Variants in ACTR3C observed in about 807,000 individuals in gnomAD.
The protein encoded by ACTR3C is actin-related protein 3C.
A neutral mutation model predicts 26.3 loss-of-function variants in ACTR3C; 18 were observed. That is an observed-to-expected ratio of 0.68 (90% CI 0.47 to 1.01). The LOEUF is 1.01. Among genes scored for constraint, ACTR3C ranks in the 50% least tolerant of loss-of-function variants. The pLI, the probability that ACTR3C is intolerant of heterozygous loss-of-function variation, is 0.00. For missense variants in ACTR3C, 184 were observed against 250.7 expected (o/e 0.73, Z 1.80); for synonymous variants, 55 against 94.5 (o/e 0.58, Z 2.42).
the ACTR3C span, among the ~76,000 whole-genome samples, chr7:149,927,814 A>G: frequency 1.3e-5 from 2 of 152,226 alleles, no homozygotes; most frequent in South Asian, 4.1e-4. Flanking sequence ...ACGATGTACA[A>G]TCAAGGTCCT....
chr7:150,161,894 C>G, the ACTR3C span, among the ~76,000 whole-genome samples: 1 of 151,952 alleles, frequency 6.6e-6, no homozygotes, highest in Non-Finnish European at 1.5e-5. Flanking sequence ...GAGGCTTACT[C>G]TCTGCGGGGC....
chr7:150,123,967 T>A, the ACTR3C span, among the ~76,000 whole-genome samples: 2 of 152,156 alleles, frequency 1.3e-5, no homozygotes, highest in Non-Finnish European at 2.9e-5. Flanking sequence ...GCAGCCCCGA[T>A]GTCCCTTCCA....
At chr7:150,253,656 T>C (rs576577712) in intron 6 of ACTR3C, among the ~76,000 whole-genome samples, 48 of 151,992 alleles carry the variant, frequency 3.2e-4, no homozygotes, top group African/African-American at 9.7e-4. Flanking sequence ...GAAGTACAAA[T>C]TAATAATGGG....
chr7:150,273,436 G>A (rs1834603929), intron 6 of ACTR3C, among the ~76,000 whole-genome samples: 1 of 151,636 alleles, frequency 6.6e-6, no homozygotes, highest in Admixed American at 6.6e-5. Context: ...TTCCACCACA[G>A]CTGGCTAATT....
the ACTR3C span, among the ~76,000 whole-genome samples, chr7:149,950,350 G>A: frequency 1.4e-5 from 2 of 146,572 alleles, no homozygotes; most frequent in Non-Finnish European, 2.9e-5. Context: ...GCTGCGAGAC[G>A]GGGGGAGGGA....
the ACTR3C span, among the ~76,000 whole-genome samples, chr7:150,084,653 G>A: frequency 6.6e-6 from 1 of 152,180 alleles, no homozygotes; most frequent in Non-Finnish European, 1.5e-5. Context: ...AGAGCATGGA[G>A]TGTGCAGGAA....
intron 4 of ACTR3C, among the ~76,000 whole-genome samples, chr7:150,289,216 G>A (rs967824311): frequency 6.6e-5 from 10 of 151,912 alleles, no homozygotes; most frequent in African/African-American, 1.9e-4. Flanking sequence ...ACGCTGGTAC[G>A]CTGTACCAGC....
downstream of ACTR3C, chr7:150,243,846 G>A (rs1215904529): frequency 1.3e-5 from 2 of 151,800 alleles, no homozygotes; most frequent in African/African-American, 2.4e-5. Flanking sequence ...TTGAATCCAC[G>A]AATTCAGAAC....
intron 1 of ACTR3C, among the ~76,000 whole-genome samples, chr7:150,319,365 G>T (rs1422659300): frequency 6.6e-6 from 1 of 152,134 alleles, no homozygotes; most frequent in African/African-American, 2.4e-5. Flanking sequence ...GCACCACCAT[G>T]CCTAGCTAAT....
the ACTR3C span, among the ~76,000 whole-genome samples, chr7:150,183,286 C>G: frequency 7.2e-6 from 1 of 138,790 alleles, no homozygotes; most frequent in Non-Finnish European, 1.5e-5. Flanking sequence ...TGGATTCTTT[C>G]CCTTTGTAAA....
At chr7:150,045,583 G>C in the ACTR3C span, among the ~76,000 whole-genome samples, 14 of 146,208 alleles carry the variant, frequency 9.6e-5, 1 homozygote, top group Middle Eastern at 0.018. Flanking sequence ...AAAAAAGCAT[G>C]TCAGGACTTA....
the ACTR3C span, among the ~76,000 whole-genome samples, chr7:150,064,017 C>T: frequency 1.3e-5 from 2 of 151,824 alleles, no homozygotes; most frequent in African/African-American, 2.4e-5. Flanking sequence ...GGGTAAAATG[C>T]GAAGTGGTCC....
At chr7:150,123,820 G>A in the ACTR3C span, among the ~76,000 whole-genome samples, 3 of 152,294 alleles carry the variant, frequency 2.0e-5, no homozygotes, top group Middle Eastern at 3.4e-3. Context: ...TGGGGCTACC[G>A]TGCACAGCAG....
chr7:150,300,576 C>A (rs1290608112), intron 1 of ACTR3C, among the ~76,000 whole-genome samples: 13 of 151,452 alleles, frequency 8.6e-5, no homozygotes, highest in Admixed American at 2.0e-4. Context: ...AACAAGCAAG[C>A]AAATCTACCT....
At chr7:150,123,711 AG>A in the ACTR3C span, among the ~76,000 whole-genome samples, 1 of 152,220 alleles carries the variant, frequency 6.6e-6, no homozygotes, top group Non-Finnish European at 1.5e-5. Context: ...GAGAAAAAAA[AG>A]AAAGAAAACA....
At chr7:150,169,346 G>A in the ACTR3C span, among the ~76,000 whole-genome samples, 32 of 143,858 alleles carry the variant, frequency 2.2e-4, no homozygotes, top group East Asian at 6.1e-4. Flanking sequence ...TCTCGCCACC[G>A]TGCTCCAGCC....
the ACTR3C span, among the ~76,000 whole-genome samples, chr7:150,100,254 T>C: frequency 6.6e-6 from 1 of 151,538 alleles, no homozygotes; most frequent in Non-Finnish European, 1.5e-5. Context: ...CAACCATATA[T>C]CAGGCACTTA....
the ACTR3C span, among the ~76,000 whole-genome samples, chr7:150,223,920 C>T: frequency 0.023 from 3,465 of 152,212 alleles, 138 homozygotes; most frequent in African/African-American, 0.078. Context: ...TAAGTTAACT[C>T]GTGTGTCTCT....
intron 6 of ACTR3C, among the ~76,000 whole-genome samples, chr7:150,276,081 C>A (rs1436106994): frequency 1.3e-5 from 2 of 152,294 alleles, no homozygotes; most frequent in Middle Eastern, 3.4e-3. Flanking sequence ...TGTCTTTATG[C>A]TGGTAAAAGA....
Sources: gnomAD v4.1 joint callset for allele counts (sites outside exome capture counted in the v4.1 genomes callset) on GRCh38, gnomAD v4.1.1 for gene constraint, MANE v1.5 for transcripts, NCBI Gene and HGNC (gene_info 2026-07-23, HGNC 2026-07-21) for gene names.